Variants in RAP1GAP2 observed in about 807,000 individuals in gnomAD.
The protein encoded by RAP1GAP2 is RAP1 GTPase activating protein 2.
Under a neutral mutation model 95.0 loss-of-function variants are expected in RAP1GAP2, and 27 were observed. That is an observed-to-expected ratio of 0.28 (90% CI 0.21 to 0.39). The LOEUF (loss-of-function observed/expected upper bound fraction) is 0.39, where lower values mean the gene tolerates loss of function less well. Ranked by LOEUF, RAP1GAP2 falls within the 10% of genes least tolerant of loss-of-function variation. RAP1GAP2 has a pLI of 1.00. For synonymous variants in RAP1GAP2, 373 were observed against 380.9 expected, an observed-to-expected ratio of 0.98 and a Z score of 0.24; for missense variants, 771 against 970.0, an observed-to-expected ratio of 0.79 and a Z score of 2.72.
chr17:2,923,487 C>T (rs1199876896), intron 3 of RAP1GAP2, among the ~76,000 whole-genome samples: 1 of 151,684 alleles, frequency 6.6e-6, no homozygotes, highest in Non-Finnish European at 1.5e-5. Flanking sequence ...TACCACCACG[C>T]CTGGCTAATT....
rs1223058079 is a variant in RAP1GAP2 at position 3,004,213 on chromosome 17, G to A, written c.1201-1156G>A. Among the ~76,000 whole-genome samples the A allele has an allele frequency of 2.0e-5, 3 of 152,172 alleles. No homozygotes were observed. Among genetic ancestry groups the A allele is most frequent in the African/African-American group, 4.8e-5 (2 of 41,398 alleles). On this transcript the variant is annotated intron_variant, in intron 14 of 24. Transcript: ENST00000254695. This position sits in a 1 kb window ranked among gnomAD's most constrained non-coding sequence, Gnocchi z 4.1. ...CTGCTGGAGCCCAGCCAGAAATCAC[G>A]TCAGCCGAACGCGCACCATTTCCTG...
At chr17:3,017,306 G>C (rs1405123348) in intron 17 of RAP1GAP2, among the ~76,000 whole-genome samples, 1 of 151,832 alleles carries the variant, frequency 6.6e-6, no homozygotes, top group Admixed American at 6.6e-5. Flanking sequence ...CTCCTGGGTG[G>C]CCTGAGCAGC....
intron 2 of RAP1GAP2, among the ~76,000 whole-genome samples, chr17:2,828,255 C>T (rs1262138228): frequency 5.3e-5 from 8 of 152,040 alleles, no homozygotes; most frequent in East Asian, 1.9e-4. Context: ...TCAGGAGAAT[C>T]GCTTGAACCT....
At chr17:2,864,483 A>G (rs555164169) in intron 2 of RAP1GAP2, among the ~76,000 whole-genome samples, 1 of 152,272 alleles carries the variant, frequency 6.6e-6, no homozygotes, top group South Asian at 2.1e-4. Flanking sequence ...TTACACCTCA[A>G]CTTCTAGCTA....
intron 2 of RAP1GAP2, among the ~76,000 whole-genome samples, chr17:2,856,448 G>A (rs2072140754): frequency 6.6e-6 from 1 of 152,206 alleles, no homozygotes; most frequent in Admixed American, 6.5e-5. Context: ...AAGGTACAAA[G>A]TGCTGCATAA....
At chr17:2,832,543 G>C (rs2070930442) in intron 2 of RAP1GAP2, among the ~76,000 whole-genome samples, 1 of 136,494 alleles carries the variant, frequency 7.3e-6, no homozygotes, top group Non-Finnish European at 1.5e-5. Context: ...GGGCGACAGA[G>C]CGAGACTCCA....
intron 2 of RAP1GAP2, among the ~76,000 whole-genome samples, chr17:2,894,224 T>C (rs1716818000): frequency 6.6e-6 from 1 of 151,848 alleles, no homozygotes; most frequent in African/African-American, 2.4e-5. Context: ...AGGTCAAGGG[T>C]TTGAGACCAG....
chr17:2,825,156 A>T lies in RAP1GAP2; in HGVS notation c.80+24606A>T, dbSNP rs1382205528. Among the ~76,000 whole-genome samples the T allele has an allele frequency of 1.3e-5, 2 of 150,780 alleles. No homozygotes were observed. The highest frequency in any genetic ancestry group is 3.0e-5 in the Non-Finnish European group (2 of 67,746). ...GCTATGCTGTCCAGGCTGGTCTTGA[A>T]CTCCTGGCCTCAAGTGATCCTCCCA... On this transcript the variant is annotated intron_variant, in intron 2 of 24. Coordinates refer to ENST00000254695, the MANE Select transcript of RAP1GAP2 (RefSeq NM_015085.5). The surrounding 1 kb of genome is among the most constrained non-coding windows in gnomAD (Gnocchi z 4.1).
At chr17:2,922,145 C>T (rs2042800324) in intron 3 of RAP1GAP2, among the ~76,000 whole-genome samples, 1 of 152,230 alleles carries the variant, frequency 6.6e-6, no homozygotes. Context: ...AAGAGACCCA[C>T]TGTCTGATGA....
intron 2 of RAP1GAP2, among the ~76,000 whole-genome samples, chr17:2,862,026 C>CT (rs1332418747): frequency 6.6e-6 from 1 of 152,202 alleles, no homozygotes; most frequent in Non-Finnish European, 1.5e-5. Flanking sequence ...CTTCTCTCTC[C>CT]TTTCTTTCCT....
In RAP1GAP2 at chr17:2,817,376, G is replaced by T. The variant is rs2070065726; in HGVS notation, c.80+16826G>T. Among the ~76,000 whole-genome samples, 2 of 121,918 alleles carry T rather than the reference G, an allele frequency of 1.6e-5. 1 individual carries two copies. The highest frequency in any genetic ancestry group is 5.4e-5 in the African/African-American group (2 of 36,762). 80.0% of individuals were successfully genotyped at this position (121,918 alleles called of 152,430 possible). ...TTGTTTATCCATGTGTTCACTGATG[G>T]ACATCTGAGTTGCTTCCAATTTTTT... On this transcript the variant is annotated intron_variant, in intron 2 of 24. Coordinates refer to ENST00000254695, the MANE Select transcript of RAP1GAP2 (RefSeq NM_015085.5).
Position 2,995,392 on chromosome 17 carries a change from A to T in RAP1GAP2, c.970A>T (p.Thr324Ser). The change falls in exon 13 of 25, where the codon ACA becomes TCA. Residue 324 changes from threonine to serine, a missense_variant. Transcript: ENST00000254695. Reference protein sequence around the residue: ...HGQTGVESVYTTFRDREIMFH... With the variant: ...HGQTGVESVYSTFRDREIMFH... ...ACAGACAGGGGTGGAATCAGTGTACACAACATTCCGGGACAGGGAGATCAT... is the reference window on the plus strand; with the variant it reads ...ACAGACAGGGGTGGAATCAGTGTACTCAACATTCCGGGACAGGGAGATCAT... 5 of 1,613,984 alleles carry T rather than the reference A, an allele frequency of 3.1e-6. No individual in the cohort carries two copies. The highest frequency in any genetic ancestry group is 4.2e-6 in the Non-Finnish European group (5 of 1,179,854).
intron 3 of RAP1GAP2, among the ~76,000 whole-genome samples, chr17:2,925,745 G>A (rs1016386535): frequency 1.3e-5 from 2 of 152,192 alleles, no homozygotes; most frequent in Non-Finnish European, 2.9e-5. Context: ...GCATGGAAAA[G>A]CAGAAAGCAG....
At chr17:2,814,484 A>G (rs1183552227) in intron 2 of RAP1GAP2, among the ~76,000 whole-genome samples, 2 of 152,014 alleles carry the variant, frequency 1.3e-5, no homozygotes, top group African/African-American at 2.4e-5. Context: ...CCCCTTCCCC[A>G]TCGGCATGGA....
In RAP1GAP2 at chr17:2,857,314, C is replaced by T. The variant is rs1226530708; in HGVS notation, c.81-47970C>T. ...TTTCATCCTCCTGCTCTCTCCAGGC[C>T]ACTTGGAAATATTGCGTATTAGGGG... On this transcript the variant is annotated intron_variant, in intron 2 of 24. Transcript: ENST00000254695. The surrounding 1 kb of genome is among the most constrained non-coding windows in gnomAD (Gnocchi z 4.0). Among the ~76,000 whole-genome samples the T allele has an allele frequency of 6.6e-6, 1 of 152,150 alleles. No individual in the cohort carries two copies. The highest frequency in any genetic ancestry group is 1.5e-5 in the Non-Finnish European group (1 of 68,026).
At chr17:2,945,972 G>T (rs1180991864) in intron 3 of RAP1GAP2, among the ~76,000 whole-genome samples, 1 of 151,934 alleles carries the variant, frequency 6.6e-6, no homozygotes, top group African/African-American at 2.4e-5. Context: ...GTATATTTTA[G>T]TAGAGACGGG....
In RAP1GAP2 at chr17:2,996,963, G is replaced by A. The variant is rs902740754; in HGVS notation, c.1045-1258G>A. Among the ~76,000 whole-genome samples the A allele has an allele frequency of 5.9e-5, 9 of 152,188 alleles. No individual in the cohort carries two copies. The South Asian group carries it at 1.7e-3, about 28-fold the overall frequency. On this transcript the variant is annotated intron_variant, in intron 13 of 24. Coordinates refer to ENST00000254695, the MANE Select transcript of RAP1GAP2 (RefSeq NM_015085.5). ...ATAGACAGGCACCTAGCCAGGACTC[G>A]ACATACAGGAGCGGGTTTTTGTGTG...
intron 2 of RAP1GAP2, among the ~76,000 whole-genome samples, chr17:2,828,168 C>G (rs1468493020): frequency 1.3e-5 from 2 of 152,132 alleles, no homozygotes; most frequent in African/African-American, 4.8e-5. Flanking sequence ...TGGGGAAACC[C>G]TATCTCTACT....
intron 2 of RAP1GAP2, among the ~76,000 whole-genome samples, chr17:2,833,141 G>A (rs2070965181): frequency 6.7e-6 from 1 of 149,774 alleles, no homozygotes; most frequent in Non-Finnish European, 1.5e-5. Context: ...GGTTGTTCTT[G>A]ATAATTTTTT....
Sources: allele counts gnomAD v4.1 joint callset (sites outside exome capture counted in the v4.1 genomes callset), GRCh38; gene constraint gnomAD v4.1.1; non-coding constraint Gnocchi (gnomAD v3.1); transcripts MANE v1.5; gene names NCBI Gene and HGNC (gene_info 2026-07-23, HGNC 2026-07-21).